Variants in MEF2C observed in about 807,000 individuals in gnomAD.
MEF2C encodes the protein myocyte-specific enhancer factor 2C.
MEF2C carries 6 observed loss-of-function variants against 50.5 expected under a neutral mutation model. The observed-to-expected ratio is 0.12, with a 90% CI of 0.07 to 0.23. MEF2C has a LOEUF of 0.23. MEF2C is among the 10% of genes least tolerant of loss of function. The probability of loss-of-function intolerance (pLI) is 1.00; values close to 1 mark genes in which losing one functional copy is unlikely to be tolerated. For missense variants in MEF2C, 276 were observed against 605.0 expected, an observed-to-expected ratio of 0.46 and a Z score of 5.70; for synonymous variants, 183 against 228.0, an observed-to-expected ratio of 0.80 and a Z score of 1.78.
chr5:88,900,781 A>G (rs1185490702), intron 1 of MEF2C, among the ~76,000 whole-genome samples: 1 of 152,000 alleles, frequency 6.6e-6, no homozygotes, highest in Admixed American at 6.6e-5. Flanking sequence ...CTAATTAGAA[A>G]AAAAATCCCT....
At chr5:88,761,397 A>G (rs1448468563) in intron 3 of MEF2C, 69 bp from the exon 4 acceptor site, 1 of 1,524,294 alleles carries the variant, frequency 6.6e-7, no homozygotes, top group African/African-American at 1.4e-5. Flanking sequence ...GGCATTAAAG[A>G]AGTTCAAGCT....
At chr5:88,800,159 G>A (rs1167680709) in intron 3 of MEF2C, among the ~76,000 whole-genome samples, 1 of 152,082 alleles carries the variant, frequency 6.6e-6, no homozygotes, top group African/African-American at 2.4e-5. Context: ...CTTCCTGGCT[G>A]GGTGCTAAGT....
intron 1 of MEF2C, among the ~76,000 whole-genome samples, chr5:88,849,835 T>C (rs1462053739): frequency 2.0e-5 from 3 of 152,230 alleles, no homozygotes; most frequent in Admixed American, 6.5e-5. Context: ...TTAGGGTAGC[T>C]TGTAGGATAA....
chr5:88,781,446 G>A (rs1056028665), intron 3 of MEF2C, among the ~76,000 whole-genome samples: 1 of 152,198 alleles, frequency 6.6e-6, no homozygotes, highest in African/African-American at 2.4e-5. Context: ...TTCAGAAGCT[G>A]AAGCTTGGTG....
At chr5:88,831,697 A>C (rs567094214) in intron 1 of MEF2C, among the ~76,000 whole-genome samples, 1 of 152,160 alleles carries the variant, frequency 6.6e-6, no homozygotes, top group Non-Finnish European at 1.5e-5. Context: ...CTATAATACT[A>C]TCTCTCAAAA....
At chr5:88,859,470 G>C (rs1824717793) in intron 1 of MEF2C, among the ~76,000 whole-genome samples, 1 of 152,280 alleles carries the variant, frequency 6.6e-6, no homozygotes, top group Non-Finnish European at 1.5e-5. Flanking sequence ...TGTAGAACCA[G>C]CATGCAAGGA....
At chr5:88,820,512 G>A (rs1421194183) in intron 2 of MEF2C, among the ~76,000 whole-genome samples, 1 of 151,972 alleles carries the variant, frequency 6.6e-6, no homozygotes, top group Non-Finnish European at 1.5e-5. Context: ...CATCAGTGCT[G>A]TAATATTTCA....
In MEF2C at chr5:88,809,458, A is replaced by G. The variant is rs142288542; in HGVS notation, c.55-4657T>C. Among the ~76,000 whole-genome samples, 814 of 152,286 alleles carry G rather than the reference A, an allele frequency of 5.3e-3. 9 individuals carry two copies. Among genetic ancestry groups the G allele is most frequent in the African/African-American group, 0.018 (753 of 41,560 alleles). ...ATTTGTGCTAGGTACTGTGGCTTCCATTACATAAAATAATATCTCCCTTGT... is the reference window on the plus strand; with the variant it reads ...ATTTGTGCTAGGTACTGTGGCTTCCGTTACATAAAATAATATCTCCCTTGT... On this transcript the variant is annotated intron_variant, in intron 2 of 10. Transcript: ENST00000504921.
chr5:88,756,744 G>A (rs1207873933), intron 4 of MEF2C, among the ~76,000 whole-genome samples: 1 of 151,778 alleles, frequency 6.6e-6, no homozygotes, highest in African/African-American at 2.4e-5. Context: ...TTTTCTCCTT[G>A]ACTTTTCAAA....
intron 1 of MEF2C, among the ~76,000 whole-genome samples, chr5:88,845,374 G>A (rs1357367288): frequency 1.3e-5 from 2 of 152,192 alleles, no homozygotes; most frequent in African/African-American, 4.8e-5. Context: ...ATATGACGTA[G>A]AAGCAACTGT....
At chr5:88,796,341 T>C (rs936209073) in intron 3 of MEF2C, among the ~76,000 whole-genome samples, 9 of 152,212 alleles carry the variant, frequency 5.9e-5, no homozygotes, top group Admixed American at 5.9e-4. Flanking sequence ...TATTCAGTAT[T>C]TGACTTCTTC....
intron 1 of MEF2C, among the ~76,000 whole-genome samples, chr5:88,854,761 A>C (rs140848555): frequency 6.6e-6 from 1 of 152,202 alleles, no homozygotes; most frequent in Non-Finnish European, 1.5e-5. Flanking sequence ...ACATTTGTAC[A>C]TTATTTCCAT....
At position 88,722,587 on chromosome 5, in the gene MEF2C, A is replaced by G. The variant is rs1421837918; in HGVS notation, c.*17T>C. 6.4e-7 allele frequency: 1 copy of G among 1,569,726 alleles called. No individual in the cohort carries two copies. Among genetic ancestry groups the G allele is most frequent in the South Asian group, 1.2e-5 (1 of 85,884 alleles). On this transcript the variant is annotated 3_prime_UTR_variant, in exon 11 of 11. Coordinates refer to ENST00000504921, the MANE Select transcript of MEF2C (RefSeq NM_002397.5). ...ACACTGCAAGAAAAAAAAAAAAACT[A>G]GTAAGTAATAATCTGATCATGTTGC...
intron 2 of MEF2C, among the ~76,000 whole-genome samples, chr5:88,805,573 T>C (rs1800021774): frequency 6.6e-6 from 1 of 152,178 alleles, no homozygotes; most frequent in African/African-American, 2.4e-5. Flanking sequence ...AGCAGCTTCC[T>C]GTCCTCGATG....
intron 3 of MEF2C, among the ~76,000 whole-genome samples, chr5:88,790,341 G>C (rs1293059329): frequency 1.3e-5 from 2 of 152,186 alleles, no homozygotes; most frequent in Admixed American, 1.3e-4. Flanking sequence ...AGGAAATCTA[G>C]ATCCTTTCTA....
chr5:88,875,950 T>C (rs1339466927), intron 1 of MEF2C, among the ~76,000 whole-genome samples: 3 of 151,842 alleles, frequency 2.0e-5, no homozygotes, highest in Non-Finnish European at 4.4e-5. Context: ...ACCAGAACTC[T>C]ACCTGAAAAA....
intron 1 of MEF2C, among the ~76,000 whole-genome samples, chr5:88,854,549 C>T (rs1413216645): frequency 6.6e-6 from 1 of 152,166 alleles, no homozygotes; most frequent in South Asian, 2.1e-4. Context: ...GGAAATACTT[C>T]ATCAACTACT....
At chr5:88,730,336 A>G in intron 7 of MEF2C, 102 bp from the exon 8 acceptor site, 1 of 1,246,496 alleles carries the variant, frequency 8.0e-7, no homozygotes, top group Non-Finnish European at 1.1e-6. Flanking sequence ...GATAGACACA[A>G]CAGTTTAAAC....
At chr5:88,786,744 A>C (rs562047593) in intron 3 of MEF2C, among the ~76,000 whole-genome samples, 1 of 152,216 alleles carries the variant, frequency 6.6e-6, no homozygotes, top group Non-Finnish European at 1.5e-5. Context: ...ATATCACTAC[A>C]TTTATTAGTC....
Sources: gnomAD v4.1 joint callset for allele counts (sites outside exome capture counted in the v4.1 genomes callset) on GRCh38, gnomAD v4.1.1 for gene constraint, MANE v1.5 for transcripts, NCBI Gene and HGNC (gene_info 2026-07-23, HGNC 2026-07-21) for gene names.